The following ASAH2 variants were observed in gnomAD, a reference collection of about 807,000 sequenced individuals.
ASAH2 encodes the protein neutral ceramidase.
ASAH2 carries 58 observed loss-of-function variants against 82.9 expected under a neutral mutation model. The observed-to-expected ratio is 0.70, with a 90% CI of 0.57 to 0.87. The LOEUF (loss-of-function observed/expected upper bound fraction) is 0.87. Ranked by LOEUF, ASAH2 falls within the 40% of genes least tolerant of loss-of-function variation. The probability of loss-of-function intolerance (pLI) is 0.00; values close to 1 mark genes in which losing one functional copy is unlikely to be tolerated. For missense variants in ASAH2, 779 were observed against 834.0 expected (o/e 0.93, Z 0.81); for synonymous variants, 276 against 289.7 (o/e 0.95, Z 0.48).
At chr10:50,243,588 A>T (rs773310950) in intron 3 of ASAH2, among the ~76,000 whole-genome samples, 6 of 152,190 alleles carry the variant, frequency 3.9e-5, no homozygotes, top group Non-Finnish European at 8.8e-5. Flanking sequence ...AAAGGCAAAG[A>T]ATCGATCAGG....
chr10:50,250,444 T>A (rs565093885), intron 1 of ASAH2, among the ~76,000 whole-genome samples: 6 of 152,312 alleles, frequency 3.9e-5, no homozygotes, highest in African/African-American at 1.4e-4. Flanking sequence ...ACTTCAAATG[T>A]GGAGCAAAAC....
At chr10:50,226,349 G>T (rs35332054) in intron 7 of ASAH2, among the ~76,000 whole-genome samples, 31,856 of 152,020 alleles carry the variant, frequency 0.21, 4,233 homozygotes, top group East Asian at 0.41. Flanking sequence ...TTATAAATGT[G>T]CTTAGAAAAA....
chr10:50,203,744 C>G, intron 14 of ASAH2, 65 bp from the exon 15 acceptor site: 1 of 1,484,424 alleles, frequency 6.7e-7, no homozygotes, highest in African/African-American at 1.4e-5. Context: ...CACAGAAACA[C>G]TGGCAGTGAA....
chr10:50,242,548 G>A (rs10825481), intron 4 of ASAH2, among the ~76,000 whole-genome samples: 51,238 of 151,932 alleles, frequency 0.34, 10,584 homozygotes, highest in Non-Finnish European at 0.45. Context: ...ATAGTACTGG[G>A]TCAGGGCTTA....
intron 7 of ASAH2, among the ~76,000 whole-genome samples, chr10:50,229,593 G>A (rs1298191638): frequency 6.6e-6 from 1 of 152,062 alleles, no homozygotes. Context: ...ATTCCTCTTG[G>A]TATAGAAAAA....
At chr10:50,232,143 A>G (rs1267111341) in intron 7 of ASAH2, among the ~76,000 whole-genome samples, 1 of 152,130 alleles carries the variant, frequency 6.6e-6, no homozygotes. Flanking sequence ...TGGTGTGTGA[A>G]CTGTGAATCA....
intron 7 of ASAH2, among the ~76,000 whole-genome samples, chr10:50,224,512 G>T (rs1845830768): frequency 6.6e-6 from 1 of 152,116 alleles, no homozygotes; most frequent in African/African-American, 2.4e-5. Flanking sequence ...AGTGAGGATA[G>T]CCTGCCCTCT....
chr10:50,194,973 G>A (rs1240872086), intron 18 of ASAH2, among the ~76,000 whole-genome samples: 2 of 150,432 alleles, frequency 1.3e-5, no homozygotes, highest in East Asian at 3.9e-4. Context: ...CCATGATGTT[G>A]GTGTAGGCGA....
chr10:50,205,737 C>T (rs1376212062), intron 13 of ASAH2, among the ~76,000 whole-genome samples: 1 of 151,926 alleles, frequency 6.6e-6, no homozygotes, highest in Non-Finnish European at 1.5e-5. Flanking sequence ...CTTATTCTGC[C>T]TTTCCCACTG....
intron 13 of ASAH2, 96 bp downstream of exon 13, chr10:50,205,886 C>T: frequency 2.0e-6 from 2 of 1,020,092 alleles, no homozygotes; most frequent in East Asian, 4.8e-5. Flanking sequence ...AATAAGACTT[C>T]CCATCTCAGT....
chr10:50,235,964 T>TG lies in ASAH2; in HGVS notation c.610dup (p.Gln204ProfsTer10), dbSNP rs1846148831. On this transcript the variant is annotated frameshift_variant, in exon 5 of 21. Coordinates refer to ENST00000682911, the MANE Select transcript of ASAH2 (RefSeq NM_019893.4). LOFTEE classifies it high-confidence loss of function. ...ACTGGCAATTACAAACACGGTATACTGGAAATATCCTGCAGGACCTGAATG... is the reference window on the plus strand; with the variant it reads ...ACTGGCAATTACAAACACGGTATACTGGGAAATATCCTGCAGGACCTGAATG... 8 of 1,613,410 alleles carry TG rather than the reference T, an allele frequency of 5.0e-6. No individual in the cohort carries two copies. The highest frequency in any genetic ancestry group is 5.9e-6 in the Non-Finnish European group (7 of 1,179,476).
intron 18 of ASAH2, among the ~76,000 whole-genome samples, chr10:50,194,551 T>C (rs1260897558): frequency 6.6e-6 from 1 of 150,852 alleles, no homozygotes; most frequent in Non-Finnish European, 1.5e-5. Flanking sequence ...TCTACTACGA[T>C]TGGAAACAAG....
chr10:50,199,813 A>G (rs1292301124), intron 16 of ASAH2, among the ~76,000 whole-genome samples: 2 of 151,476 alleles, frequency 1.3e-5, no homozygotes, highest in Non-Finnish European at 2.9e-5. Context: ...ACATCCGGTA[A>G]TTCTGTCTCC....
intron 7 of ASAH2, among the ~76,000 whole-genome samples, chr10:50,227,453 A>G (rs1217607879): frequency 1.3e-5 from 2 of 152,182 alleles, no homozygotes; most frequent in Non-Finnish European, 2.9e-5. Context: ...GCTTTTAGTC[A>G]TGTGTATTTC....
At chr10:50,202,791 G>T (rs1845188022) in intron 16 of ASAH2, 38 bp downstream of exon 16, 3 of 1,309,426 alleles carry the variant, frequency 2.3e-6, no homozygotes, top group Admixed American at 1.7e-5. Flanking sequence ...CTTTACTGGG[G>T]TATAATTCAT....
intron 12 of ASAH2, among the ~76,000 whole-genome samples, chr10:50,207,846 A>G (rs1845344901): frequency 6.6e-6 from 1 of 151,884 alleles, no homozygotes; most frequent in Non-Finnish European, 1.5e-5. Context: ...AAACCAGACA[A>G]AGATATCACA....
At chr10:50,206,924 A>C (rs895031126) in intron 12 of ASAH2, among the ~76,000 whole-genome samples, 1 of 151,988 alleles carries the variant, frequency 6.6e-6, no homozygotes, top group Non-Finnish European at 1.5e-5. Context: ...GTGGTAGATC[A>C]TGTGCTGGCT....
intron 12 of ASAH2, among the ~76,000 whole-genome samples, chr10:50,207,068 C>A (rs1246147963): frequency 3.3e-5 from 5 of 151,792 alleles, no homozygotes; most frequent in African/African-American, 1.2e-4. Flanking sequence ...GCAGTATGAT[C>A]TGAAATAGCT....
chr10:50,243,968 TG>T (rs1846376364), intron 3 of ASAH2, among the ~76,000 whole-genome samples: 1 of 152,050 alleles, frequency 6.6e-6, no homozygotes, highest in Non-Finnish European at 1.5e-5. Context: ...GCCCATGACA[TG>T]GGGTGGTAAA....
Sources: allele counts gnomAD v4.1 joint callset (sites outside exome capture counted in the v4.1 genomes callset), GRCh38; gene constraint gnomAD v4.1.1; transcripts MANE v1.5; gene names NCBI Gene and HGNC (gene_info 2026-07-23, HGNC 2026-07-21).